CRACR2A: variants seen among roughly 807,000 people sequenced by gnomAD.
CRACR2A encodes the protein EF-hand calcium-binding domain-containing protein 4B.
In CRACR2A, 79 loss-of-function variants were observed where a neutral mutation model predicts 90.5. That is an observed-to-expected ratio of 0.87 (90% confidence interval 0.73 to 1.05). The LOEUF is 1.05. CRACR2A is among the 50% of genes least tolerant of loss of function. The pLI, the probability that CRACR2A is intolerant of heterozygous loss-of-function variation, is 0.00. For synonymous variants in CRACR2A, 338 were observed against 356.7 expected, an observed-to-expected ratio of 0.95 and a Z score of 0.59; for missense variants, 823 against 897.2, an observed-to-expected ratio of 0.92 and a Z score of 1.06.
At chr12:3,655,676 T>A (rs1420042650) in intron 9 of CRACR2A, among the ~76,000 whole-genome samples, 1 of 152,162 alleles carries the variant, frequency 6.6e-6, no homozygotes, top group African/African-American at 2.4e-5. Context: ...AGCCAGGTAC[T>A]CCCAGCCATA....
chr12:3,681,901 G>A (rs1945461535), intron 4 of CRACR2A, among the ~76,000 whole-genome samples: 2 of 152,186 alleles, frequency 1.3e-5, no homozygotes, highest in Admixed American at 6.5e-5. Context: ...CCATTTAGAA[G>A]AATTGAATTA....
intron 7 of CRACR2A, among the ~76,000 whole-genome samples, chr12:3,669,457 T>TGG (rs1396918465): frequency 2.6e-5 from 4 of 152,262 alleles, no homozygotes; most frequent in Non-Finnish European, 5.9e-5. Context: ...ACTTGCTGAG[T>TGG]GGAAGTCTCA....
intron 6 of CRACR2A, among the ~76,000 whole-genome samples, chr12:3,675,632 C>T (rs999646327): frequency 1.3e-5 from 2 of 152,092 alleles, no homozygotes; most frequent in African/African-American, 4.8e-5. Flanking sequence ...TAAAATTACG[C>T]CATTATTTGT....
intron 13 of CRACR2A, among the ~76,000 whole-genome samples, chr12:3,639,470 A>ACACACACACACACACACACACACACG (rs1944521112): frequency 6.6e-6 from 1 of 151,916 alleles, no homozygotes; most frequent in South Asian, 2.1e-4. Context: ...ACACACACAC[A>ACACACACACACACACACACACACACG]CACACACGCA....
intron 2 of CRACR2A, among the ~76,000 whole-genome samples, chr12:3,716,426 G>A (rs895948004): frequency 1.3e-5 from 2 of 152,218 alleles, no homozygotes; most frequent in Non-Finnish European, 2.9e-5. Context: ...CAAGGGTTTT[G>A]TCAAACACTG....
rs1394893480 is a variant in CRACR2A at position 3,746,601 on chromosome 12, C to G, written c.-387+6414G>C. On this transcript the variant is annotated intron_variant, in intron 1 of 19. Coordinates refer to ENST00000440314, the MANE Select transcript of CRACR2A (RefSeq NM_001144958.2). This position sits in a 1 kb window ranked among gnomAD's most constrained non-coding sequence, Gnocchi z 4.4. ...GGTTGTCTGTGATATTTTGTTCTGT[C>G]TGCCAGAACAAAGACATCCCCTCAA... Among the ~76,000 whole-genome samples the G allele has an allele frequency of 6.6e-6, 1 of 152,244 alleles. No individual in the cohort carries two copies. The highest frequency in any genetic ancestry group is 2.4e-5 in the African/African-American group (1 of 41,454).
chr12:3,726,815 AT>A (rs1396572517), intron 2 of CRACR2A: 1 of 151,840 alleles, frequency 6.6e-6, no homozygotes, highest in Non-Finnish European at 1.5e-5. Context: ...TGAGGCATAT[AT>A]TCGGTCTTTA....
intron 4 of CRACR2A, among the ~76,000 whole-genome samples, chr12:3,681,728 A>G (rs779677119): frequency 1.1e-4 from 16 of 152,210 alleles, no homozygotes; most frequent in Non-Finnish European, 1.6e-4. Context: ...CAACAATAAA[A>G]AAGAGCTGGC....
At chr12:3,700,407 G>A (rs1201539407) in intron 3 of CRACR2A, among the ~76,000 whole-genome samples, 1 of 152,100 alleles carries the variant, frequency 6.6e-6, no homozygotes, top group African/African-American at 2.4e-5. Flanking sequence ...GCACGGGGAG[G>A]GGAAACACAG....
chr12:3,713,948 G>A (rs966755771), intron 2 of CRACR2A, among the ~76,000 whole-genome samples: 3 of 152,176 alleles, frequency 2.0e-5, no homozygotes, highest in Non-Finnish European at 2.9e-5. Context: ...CACATGCTGC[G>A]TAGCATGGTC....
intron 7 of CRACR2A, among the ~76,000 whole-genome samples, chr12:3,672,409 G>A (rs1266475657): frequency 6.6e-6 from 1 of 152,204 alleles, no homozygotes; most frequent in Non-Finnish European, 1.5e-5. Flanking sequence ...GAACTGCATA[G>A]CCAAGGGATT....
intron 10 of CRACR2A, among the ~76,000 whole-genome samples, chr12:3,649,851 G>A (rs1440457873): frequency 7.1e-6 from 1 of 140,446 alleles, no homozygotes; most frequent in Non-Finnish European, 1.5e-5. Flanking sequence ...AAGGAATGAA[G>A]GAAGGAGAAA....
At chr12:3,621,400 T>C (rs1944129946) in intron 17 of CRACR2A, among the ~76,000 whole-genome samples, 1 of 150,208 alleles carries the variant, frequency 6.7e-6, no homozygotes, top group African/African-American at 2.4e-5. Context: ...TTTCTTCTTT[T>C]TTTTTTTTTT....
At chr12:3,734,242 G>A (rs1363778135) in intron 1 of CRACR2A, among the ~76,000 whole-genome samples, 1 of 150,816 alleles carries the variant, frequency 6.6e-6, no homozygotes, top group Non-Finnish European at 1.5e-5. Flanking sequence ...CTCCCAAAGT[G>A]CTGGGATTAC....
At position 3,638,213 on chromosome 12, in the gene CRACR2A, C is replaced by T. The variant is rs962413675; in HGVS notation, c.1513G>A (p.Val505Ile). The T allele has an allele frequency of 3.2e-6, 5 of 1,551,526 alleles. No individual in the cohort carries two copies. The African/African-American group carries it at 4.1e-5, about 13-fold the overall frequency. Residue 505 changes from valine to isoleucine, a missense_variant, in exon 14 of 20, where the codon GTA (valine) becomes ATA (isoleucine). By Grantham distance (29) the Val-to-Ile change is conservative. Coordinates refer to ENST00000440314, the MANE Select transcript of CRACR2A (RefSeq NM_001144958.2). ...SEEEEVSDQG[V>I]QGQIPEAPPL... is the part of the protein sequence containing the mutation. The stretch of plus-strand genomic sequence containing the variant: ...GGGGCCTCCGGGATTTGTCCCTGTA[C>T]CCCCTGGTCAGAGACCTCTTCCTCT...
chr12:3,721,370 C>CA (rs140016599), intron 2 of CRACR2A, among the ~76,000 whole-genome samples: 21,113 of 121,652 alleles, frequency 0.17, 1,785 homozygotes, highest in Admixed American at 0.25. Context: ...CCCGTCTCTA[C>CA]AAAAAAAAAA....
At chr12:3,745,827 A>AAATAAC (rs1555123198) in intron 1 of CRACR2A, among the ~76,000 whole-genome samples, 1 of 145,268 alleles carries the variant, frequency 6.9e-6, no homozygotes, top group African/African-American at 2.5e-5. Flanking sequence ...AAATAAAATA[A>AAATAAC]AGAAAGAAAA....
intron 3 of CRACR2A, among the ~76,000 whole-genome samples, chr12:3,708,385 C>T (rs2137756053): frequency 1.3e-5 from 2 of 152,286 alleles, no homozygotes; most frequent in South Asian, 4.1e-4. Flanking sequence ...CATCCTGCTT[C>T]CCCATCCCTT....
chr12:3,718,485 T>C (rs1279563147), intron 2 of CRACR2A, among the ~76,000 whole-genome samples: 2 of 152,144 alleles, frequency 1.3e-5, no homozygotes, highest in Admixed American at 1.3e-4. Context: ...TCCAATACAG[T>C]AGCCACAAGC....
Sources: gnomAD v4.1 joint callset for allele counts (sites outside exome capture counted in the v4.1 genomes callset) on GRCh38, gnomAD v4.1.1 for gene constraint, Gnocchi (gnomAD v3.1) non-coding constraint, MANE v1.5 for transcripts, NCBI Gene and HGNC (gene_info 2026-07-23, HGNC 2026-07-21) for gene names.